The following BICC1 variants were observed in gnomAD, a reference collection of about 807,000 sequenced individuals.
BICC1 encodes BicC family RNA binding protein 1.
BICC1 carries 43 observed loss-of-function variants against 111.0 expected under a neutral mutation model. The ratio of observed to expected loss-of-function variants is 0.39; its 90% CI spans 0.30 to 0.50. The LOEUF is 0.50. Among genes scored for constraint, BICC1 ranks in the 20% least tolerant of loss-of-function variants. The pLI is 0.88. For missense variants in BICC1, 1,091 were observed against 1,203.2 expected (o/e 0.91, Z 1.38); for synonymous variants, 467 against 434.4 (o/e 1.07, Z -0.93).
rs575518678 is a variant in BICC1, at chr10:58,825,880, A to C, written c.2795-2881A>C. Among the ~76,000 whole-genome samples, 11 of 152,290 alleles carry C rather than the reference A, an allele frequency of 7.2e-5. No individual in the cohort carries two copies. In the South Asian group the frequency reaches 8.3e-4, roughly 11 times the overall value. ...CGCTAATGCTCTCAAAAGCAAAGTT[A>C]TGACATCATGGGAAAAAGTTGAATT... On this transcript the variant is annotated intron_variant, in intron 20 of 20. Transcript: ENST00000373886.
At chr10:58,686,538 G>T (rs909286387) in intron 2 of BICC1, among the ~76,000 whole-genome samples, 5 of 151,976 alleles carry the variant, frequency 3.3e-5, no homozygotes, top group Admixed American at 6.6e-5. Flanking sequence ...ACATAGTCCT[G>T]TATTTCTTGG....
chr10:58,666,273 C>T (rs1839006921), intron 2 of BICC1, among the ~76,000 whole-genome samples: 1 of 152,218 alleles, frequency 6.6e-6, no homozygotes, highest in Non-Finnish European at 1.5e-5. Flanking sequence ...GTTGAACATT[C>T]AGCAGACTGT....
At chr10:58,777,590 G>T (rs1441972910) in intron 3 of BICC1, among the ~76,000 whole-genome samples, 2 of 152,000 alleles carry the variant, frequency 1.3e-5, no homozygotes, top group African/African-American at 4.8e-5. Flanking sequence ...AGCGATGAGG[G>T]CACCTGCTCC....
chr10:58,530,561 T>C (rs1842653619), intron 1 of BICC1, among the ~76,000 whole-genome samples: 1 of 151,720 alleles, frequency 6.6e-6, no homozygotes, highest in Admixed American at 6.6e-5. Flanking sequence ...GAGACATTGT[T>C]ACCCCAAAGT....
At chr10:58,764,118 A>C (rs1056836683) in intron 3 of BICC1, among the ~76,000 whole-genome samples, 1 of 152,214 alleles carries the variant, frequency 6.6e-6, no homozygotes, top group Non-Finnish European at 1.5e-5. Context: ...AAACCATTTA[A>C]TGAGTGAGGA....
At chr10:58,587,651 A>C (rs1844473344) in intron 1 of BICC1, among the ~76,000 whole-genome samples, 1 of 152,188 alleles carries the variant, frequency 6.6e-6, no homozygotes, top group African/African-American at 2.4e-5. Context: ...TTAACTGGCC[A>C]GCTTTAGCCC....
intron 3 of BICC1, among the ~76,000 whole-genome samples, chr10:58,734,138 G>C (rs948999844): frequency 5.3e-5 from 8 of 152,190 alleles, no homozygotes; most frequent in Admixed American, 5.2e-4. Flanking sequence ...CTGTGTTTAA[G>C]ATCTGCCACC....
At chr10:58,692,033 T>G (rs1269138395) in intron 2 of BICC1, among the ~76,000 whole-genome samples, 1 of 152,186 alleles carries the variant, frequency 6.6e-6, no homozygotes, top group Non-Finnish European at 1.5e-5. Context: ...ATGATACTTA[T>G]TGAGATCCTA....
At chr10:58,521,506 T>C (rs1842385951) in intron 1 of BICC1, among the ~76,000 whole-genome samples, 1 of 152,068 alleles carries the variant, frequency 6.6e-6, no homozygotes, top group Non-Finnish European at 1.5e-5. Context: ...AGGTTCCTGA[T>C]CAATTTTGCA....
At chr10:58,577,365 A>G (rs746660384) in intron 1 of BICC1, among the ~76,000 whole-genome samples, 7 of 152,186 alleles carry the variant, frequency 4.6e-5, no homozygotes, top group African/African-American at 9.6e-5. Context: ...TGCTTTTTCC[A>G]GATTTGCTAC....
intron 1 of BICC1, among the ~76,000 whole-genome samples, chr10:58,616,919 T>C (rs1360284248): frequency 6.6e-6 from 1 of 152,194 alleles, no homozygotes; most frequent in Non-Finnish European, 1.5e-5. Context: ...AATGCTCCCC[T>C]TGCCTAGATT....
At chr10:58,744,582 A>G (rs1330890929) in intron 3 of BICC1, among the ~76,000 whole-genome samples, 1 of 152,146 alleles carries the variant, frequency 6.6e-6, no homozygotes, top group Non-Finnish European at 1.5e-5. Flanking sequence ...AAAAGTGACA[A>G]TTATTCTTTA....
intron 1 of BICC1, among the ~76,000 whole-genome samples, chr10:58,592,513 C>A (rs1219484969): frequency 6.6e-6 from 1 of 151,586 alleles, no homozygotes; most frequent in Non-Finnish European, 1.5e-5. Context: ...GAGATCGAGA[C>A]CATCCTGGCT....
rs1045023096 is a variant in BICC1, at chr10:58,831,087, T to C, written c.*2196T>C. 2.0e-5 allele frequency: 3 copies of C among 152,194 alleles called. No individual in the cohort carries two copies. Among genetic ancestry groups the C allele is most frequent in the Non-Finnish European group, 4.4e-5 (3 of 68,020 alleles). The allele number at this position is 152,194 out of a possible 1,614,324, so 9.4% of individuals were successfully genotyped here. A position where few individuals can be genotyped will look rare whatever the true frequency, so the allele number is the denominator to read the frequency against. On this transcript the variant is annotated 3_prime_UTR_variant, in exon 21 of 21. Coordinates refer to ENST00000373886, the MANE Select transcript of BICC1 (RefSeq NM_001080512.3). ...ACTGTCCCACTTAAATTAGATTAAG[T>C]AGGGTGGCTAAAAATAAATAAAAAC...
At chr10:58,651,282 CAGTG>C (rs1219979258) in intron 2 of BICC1, among the ~76,000 whole-genome samples, 1 of 152,164 alleles carries the variant, frequency 6.6e-6, no homozygotes, top group Non-Finnish European at 1.5e-5. Flanking sequence ...TGTTGCGAGA[CAGTG>C]AGCAGAAAAG....
intron 2 of BICC1, among the ~76,000 whole-genome samples, chr10:58,653,675 CTTTCT>C (rs747953795): frequency 7.2e-4 from 5 of 6,992 alleles, no homozygotes; most frequent in Non-Finnish European, 2.4e-3. Context: ...AAGTATTGTT[CTTTCT>C]TTTTTTTTTT....
At chr10:58,754,390 T>A (rs972964300) in intron 3 of BICC1, among the ~76,000 whole-genome samples, 6 of 152,202 alleles carry the variant, frequency 3.9e-5, no homozygotes, top group African/African-American at 1.4e-4. Flanking sequence ...GCAAATTCTG[T>A]CAGCAAACTG....
intron 20 of BICC1, 90 bp from the exon 21 acceptor site, chr10:58,828,671 C>T (rs1032983854): frequency 1.8e-5 from 25 of 1,386,572 alleles, no homozygotes; most frequent in Admixed American, 2.3e-5. Flanking sequence ...AAACCTACCA[C>T]GTCACCATTT....
intron 2 of BICC1, among the ~76,000 whole-genome samples, chr10:58,700,161 A>G (rs977700404): frequency 4.1e-4 from 62 of 152,302 alleles, no homozygotes; most frequent in Middle Eastern, 3.4e-3. Flanking sequence ...CACTTGCAAT[A>G]AGGGTTAGGA....
Sources: gnomAD v4.1 joint callset for allele counts (sites outside exome capture counted in the v4.1 genomes callset) on GRCh38, gnomAD v4.1.1 for gene constraint, MANE v1.5 for transcripts, NCBI Gene and HGNC (gene_info 2026-07-23, HGNC 2026-07-21) for gene names.